Variants in RANBP2 observed in about 807,000 individuals in gnomAD.
RANBP2 encodes E3 SUMO-protein ligase RanBP2.
In RANBP2, 57 loss-of-function variants were observed where a neutral mutation model predicts 303.6. That is an observed-to-expected ratio of 0.19 (90% CI 0.15 to 0.23). RANBP2 has a LOEUF of 0.23. RANBP2 is among the 10% of genes least tolerant of loss of function. The probability of loss-of-function intolerance (pLI) is 1.00; values close to 1 mark genes in which losing one functional copy is unlikely to be tolerated. For synonymous variants in RANBP2, 1,167 were observed against 1,301.5 expected, an observed-to-expected ratio of 0.90 and a Z score of 2.23; for missense variants, 3,138 against 3,780.8, an observed-to-expected ratio of 0.83 and a Z score of 4.46.
chr2:108,874,636 G>C, the RANBP2 span, among the ~76,000 whole-genome samples: 1 of 152,134 alleles, frequency 6.6e-6, no homozygotes, highest in African/African-American at 2.4e-5. Context: ...AATGCATCTT[G>C]AAATTATTTG....
the RANBP2 span, among the ~76,000 whole-genome samples, chr2:109,701,630 C>G: frequency 6.6e-6 from 1 of 152,114 alleles, no homozygotes; most frequent in African/African-American, 2.4e-5. Context: ...GCATGTGTCT[C>G]GGGTGAGCCT....
At chr2:108,988,618 G>C in the RANBP2 span, among the ~76,000 whole-genome samples, 1 of 152,106 alleles carries the variant, frequency 6.6e-6, no homozygotes, top group Non-Finnish European at 1.5e-5. Flanking sequence ...CCGGGCACAG[G>C]GGCAAACCTG....
At chr2:109,613,939 G>A in the RANBP2 span, 21 of 1,218,348 alleles carry the variant, frequency 1.7e-5, no homozygotes, top group Non-Finnish European at 2.1e-5. Flanking sequence ...GGGGCGCGAG[G>A]CTAGGCTGCC....
the RANBP2 span, among the ~76,000 whole-genome samples, chr2:109,063,257 C>A: frequency 6.6e-6 from 1 of 152,182 alleles, no homozygotes; most frequent in African/African-American, 2.4e-5. Context: ...GAGAGCCACC[C>A]ACTCCTGGGG....
the RANBP2 span, among the ~76,000 whole-genome samples, chr2:109,137,294 T>C: frequency 1.3e-5 from 2 of 152,228 alleles, no homozygotes; most frequent in African/African-American, 4.8e-5. Context: ...ACTTCTTCTT[T>C]CTGAATCTTT....
chr2:109,730,374 T>C, the RANBP2 span, among the ~76,000 whole-genome samples: 1 of 152,196 alleles, frequency 6.6e-6, no homozygotes, highest in African/African-American at 2.4e-5. Flanking sequence ...GAGCATCCAG[T>C]TGACTTGGTC....
chr2:108,783,491 A>T, intron 28 of RANBP2, 105 bp from the exon 29 acceptor site: 2 of 777,472 alleles, frequency 2.6e-6, no homozygotes, highest in South Asian at 4.0e-5. Context: ...GGGCTTTAGG[A>T]TTTAACATGT....
At chr2:109,239,066 C>T in the RANBP2 span, among the ~76,000 whole-genome samples, 1 of 152,150 alleles carries the variant, frequency 6.6e-6, no homozygotes. Flanking sequence ...TATGCAGTGC[C>T]AAATGTCAAG....
chr2:108,843,724 G>A, the RANBP2 span, among the ~76,000 whole-genome samples: 1 of 151,720 alleles, frequency 6.6e-6, no homozygotes, highest in South Asian at 2.1e-4. Context: ...ACTATGATGG[G>A]TCTTGGTGTT....
At chr2:109,252,235 G>A in the RANBP2 span, among the ~76,000 whole-genome samples, 1 of 144,662 alleles carries the variant, frequency 6.9e-6, no homozygotes, top group African/African-American at 2.6e-5. Flanking sequence ...GTGACACAGT[G>A]AGACCCTGTC....
At chr2:109,007,571 T>TA in the RANBP2 span, among the ~76,000 whole-genome samples, 1 of 152,178 alleles carries the variant, frequency 6.6e-6, no homozygotes, top group African/African-American at 2.4e-5. Context: ...GTTCCACAGA[T>TA]ATCAGGAGCA....
chr2:109,273,895 A>G, the RANBP2 span, among the ~76,000 whole-genome samples: 10 of 152,110 alleles, frequency 6.6e-5, no homozygotes, highest in African/African-American at 2.4e-4. Context: ...GATGAAGAAT[A>G]TGGGCTCTGG....
chr2:108,776,360 T>C (rs991950931), intron 24 of RANBP2, among the ~76,000 whole-genome samples: 7 of 152,228 alleles, frequency 4.6e-5, no homozygotes, highest in African/African-American at 1.4e-4. Context: ...TAAATGTTTC[T>C]TATTTTCTCT....
At chr2:108,727,502 G>A (rs957227502) in intron 1 of RANBP2, among the ~76,000 whole-genome samples, 2 of 151,790 alleles carry the variant, frequency 1.3e-5, no homozygotes, top group South Asian at 2.1e-4. Context: ...ACTATTCATC[G>A]TTTTGGACAT....
At chr2:109,717,066 C>T in the RANBP2 span, among the ~76,000 whole-genome samples, 1 of 151,998 alleles carries the variant, frequency 6.6e-6, no homozygotes, top group African/African-American at 2.4e-5. Flanking sequence ...AAAGGCATCC[C>T]AGTGAAAAAG....
the RANBP2 span, chr2:108,912,627 A>G: frequency 1.4e-5 from 21 of 1,503,536 alleles, no homozygotes; most frequent in Non-Finnish European, 1.8e-5. Flanking sequence ...CTGAGCTTTC[A>G]TCCGAGTACC....
chr2:109,623,793 T>A, the RANBP2 span, among the ~76,000 whole-genome samples: 1 of 152,084 alleles, frequency 6.6e-6, no homozygotes, highest in Non-Finnish European at 1.5e-5. Flanking sequence ...GATACCACCA[T>A]GGAAGCCAAA....
At chr2:109,579,428 G>T in the RANBP2 span, among the ~76,000 whole-genome samples, 2 of 149,412 alleles carry the variant, frequency 1.3e-5, no homozygotes, top group Non-Finnish European at 3.0e-5. Context: ...TTGTTGACCA[G>T]GCTTGAGTGT....
chr2:108,875,239 A>G, the RANBP2 span, among the ~76,000 whole-genome samples: 1 of 151,748 alleles, frequency 6.6e-6, no homozygotes, highest in Non-Finnish European at 1.5e-5. Flanking sequence ...AAACAAAGCT[A>G]GACAAGGAAA....
Sources: gnomAD v4.1 joint callset for allele counts (sites outside exome capture counted in the v4.1 genomes callset) on GRCh38, gnomAD v4.1.1 for gene constraint, MANE v1.5 for transcripts, NCBI Gene and HGNC (gene_info 2026-07-23, HGNC 2026-07-21) for gene names.